The following FGF14 variants were observed in gnomAD, a reference collection of about 807,000 sequenced individuals.
The protein encoded by FGF14 is fibroblast growth factor homologous factor 4.
A neutral mutation model predicts 25.5 loss-of-function variants in FGF14; 5 were observed. That is an observed-to-expected ratio of 0.20 (90% CI 0.10 to 0.41). The LOEUF is 0.41. Ranked by LOEUF, FGF14 falls within the 10% of genes least tolerant of loss-of-function variation. The pLI, the probability that FGF14 is intolerant of heterozygous loss-of-function variation, is 1.00. For missense variants in FGF14, 222 were observed against 320.1 expected (o/e 0.69, Z 2.34); for synonymous variants, 138 against 118.3 (o/e 1.17, Z -1.08).
chr13:101,842,230 G>T lies in FGF14; in HGVS notation c.408+26495C>A, dbSNP rs556832160. On this transcript the variant is annotated intron_variant, in intron 3 of 4. Transcript: ENST00000376143. Reference sequence around the variant, plus strand: ...CTCTGCCCTCAGAAAACAGGCGTCAGAGGTTGCTATCACATCCTCATTTCA... The same window carrying T: ...CTCTGCCCTCAGAAAACAGGCGTCATAGGTTGCTATCACATCCTCATTTCA... Among the ~76,000 whole-genome samples, 4 of 152,096 alleles carry T rather than the reference G, an allele frequency of 2.6e-5. No homozygotes were observed. In the South Asian group the frequency reaches 8.3e-4, roughly 32 times the overall value.
chr13:101,783,869 A>G (rs2039658516), intron 3 of FGF14, among the ~76,000 whole-genome samples: 2 of 152,118 alleles, frequency 1.3e-5, no homozygotes. Flanking sequence ...GTGCAAGAAA[A>G]GGGCCCAGTT....
chr13:102,053,802 A>G (rs1683356208), intron 1 of FGF14, among the ~76,000 whole-genome samples: 1 of 152,128 alleles, frequency 6.6e-6, no homozygotes, highest in Non-Finnish European at 1.5e-5. Context: ...GAATGATTAT[A>G]TCATTATATA....
At chr13:102,395,457 T>G (rs910873163) in intron 1 of FGF14, 2 of 152,116 alleles carry the variant, frequency 1.3e-5, no homozygotes, top group Non-Finnish European at 2.9e-5. Context: ...AAGGAAGCTA[T>G]AAAATGTGGG....
chr13:101,913,238 G>C (rs779956008), intron 1 of FGF14, among the ~76,000 whole-genome samples: 9 of 152,204 alleles, frequency 5.9e-5, no homozygotes, highest in Non-Finnish European at 1.3e-4. Context: ...TTTGCGGGGT[G>C]TGTGGCATTG....
chr13:101,757,212 T>G (rs1371466077), intron 3 of FGF14, among the ~76,000 whole-genome samples: 1 of 152,194 alleles, frequency 6.6e-6, no homozygotes, highest in African/African-American at 2.4e-5. Context: ...CTAGAGAATA[T>G]GTTTGTCTTA....
intron 1 of FGF14, among the ~76,000 whole-genome samples, chr13:102,143,736 T>A (rs2046742263): frequency 6.6e-6 from 1 of 152,172 alleles, no homozygotes; most frequent in African/African-American, 2.4e-5. Context: ...GAAGACACTA[T>A]GTTTCAGACC....
At chr13:101,782,178 G>A (rs1317728367) in intron 3 of FGF14, among the ~76,000 whole-genome samples, 1 of 151,970 alleles carries the variant, frequency 6.6e-6, no homozygotes, top group African/African-American at 2.4e-5. Flanking sequence ...CTGGCTCCTT[G>A]TCCTAAATTT....
intron 1 of FGF14, among the ~76,000 whole-genome samples, chr13:102,028,752 T>C (rs1408813706): frequency 2.0e-5 from 3 of 152,018 alleles, no homozygotes; most frequent in Non-Finnish European, 2.9e-5. Context: ...AAATCACAGA[T>C]GCCCTTCTTT....
chr13:101,921,069 TAA>T (rs869223116), upstream of FGF14, among the ~76,000 whole-genome samples: 2 of 63,506 alleles, frequency 3.1e-5, no homozygotes, highest in East Asian at 2.3e-3. Context: ...TCTTGATGAT[TAA>T]AAAAAAAAAA....
At chr13:102,280,393 A>T (rs2053768853) in intron 1 of FGF14, among the ~76,000 whole-genome samples, 1 of 152,152 alleles carries the variant, frequency 6.6e-6, no homozygotes, top group East Asian at 1.9e-4. Flanking sequence ...TTATGTGAAA[A>T]ACTGCACAAC....
chr13:102,350,840 A>T (rs777353305), intron 1 of FGF14, among the ~76,000 whole-genome samples: 4 of 152,162 alleles, frequency 2.6e-5, no homozygotes, highest in Non-Finnish European at 4.4e-5. Context: ...TCGAATGTCT[A>T]TTCATCTCCT....
intron 1 of FGF14, among the ~76,000 whole-genome samples, chr13:102,265,289 A>C (rs17505176): frequency 0.025 from 3,867 of 152,168 alleles, 72 homozygotes; most frequent in Middle Eastern, 0.041. Flanking sequence ...TGCTTTGCAA[A>C]TGCTCAGAAA....
chr13:102,086,253 G>C (rs532362730), intron 1 of FGF14, among the ~76,000 whole-genome samples: 1 of 152,206 alleles, frequency 6.6e-6, no homozygotes, highest in Non-Finnish European at 1.5e-5. Flanking sequence ...GAAGTGCTTC[G>C]GTCATGCCTG....
At chr13:102,233,451 CT>C (rs35041551) in intron 1 of FGF14, among the ~76,000 whole-genome samples, 1 of 151,386 alleles carries the variant, frequency 6.6e-6, no homozygotes, top group East Asian at 1.9e-4. Context: ...ATTTAACTTG[CT>C]TTTTTTTGTC....
intron 1 of FGF14, among the ~76,000 whole-genome samples, chr13:102,315,398 C>T (rs1329595399): frequency 6.6e-6 from 1 of 152,114 alleles, no homozygotes; most frequent in South Asian, 2.1e-4. Flanking sequence ...AAAACTATCA[C>T]TTCTCTCAAC....
chr13:102,310,170 A>G (rs1566926870), intron 1 of FGF14, among the ~76,000 whole-genome samples: 1 of 152,218 alleles, frequency 6.6e-6, no homozygotes, highest in East Asian at 1.9e-4. Flanking sequence ...AAAACTTTGG[A>G]AAGGCTTTAA....
intron 1 of FGF14, among the ~76,000 whole-genome samples, chr13:102,074,090 C>A (rs1302019468): frequency 2.6e-5 from 4 of 152,158 alleles, no homozygotes; most frequent in African/African-American, 9.7e-5. Flanking sequence ...ATGCTCACTG[C>A]AGCTTCAACC....
chr13:102,040,376 G>T (rs775292176), intron 1 of FGF14, among the ~76,000 whole-genome samples: 1 of 152,036 alleles, frequency 6.6e-6, no homozygotes, highest in Non-Finnish European at 1.5e-5. Context: ...TACATAGAGG[G>T]TGCTGATTAA....
At position 101,712,206 on chromosome 13, in the gene FGF14, T is replaced by C. The variant is rs1411001844; in HGVS notation, c.*10625A>G. The C allele has an allele frequency of 6.6e-6, 1 of 152,196 alleles. No individual in the cohort carries two copies. Among genetic ancestry groups the C allele is most frequent in the African/African-American group, 2.4e-5 (1 of 41,454 alleles). 9.4% of individuals were successfully genotyped at this position (152,196 alleles called of 1,614,324 possible). A position where few individuals can be genotyped will look rare whatever the true frequency, so the allele number is the denominator to read the frequency against. ...TCCTACCTCTAAGATGCACTGAGCA[T>C]TGACAAACAGGAAAGAATAACACAG... On this transcript the variant is annotated 3_prime_UTR_variant, in exon 5 of 5. Coordinates refer to ENST00000376143, the MANE Select transcript of FGF14 (RefSeq NM_004115.4).
Sources: gnomAD v4.1 joint callset for allele counts (sites outside exome capture counted in the v4.1 genomes callset) on GRCh38, gnomAD v4.1.1 for gene constraint, MANE v1.5 for transcripts, NCBI Gene and HGNC (gene_info 2026-07-23, HGNC 2026-07-21) for gene names.